Variants in PPP4R4 observed in about 807,000 individuals in gnomAD.
The protein encoded by PPP4R4 is serine/threonine-protein phosphatase 4 regulatory subunit 4.
Under a neutral mutation model 121.8 loss-of-function variants are expected in PPP4R4, and 70 were observed. The observed-to-expected ratio is 0.57, with a 90% CI of 0.47 to 0.70. PPP4R4 has a LOEUF of 0.70. Among genes scored for constraint, PPP4R4 ranks in the 30% least tolerant of loss-of-function variants. PPP4R4 has a pLI of 0.00. For missense variants in PPP4R4, 875 were observed against 1,033.6 expected (o/e 0.85, Z 2.10); for synonymous variants, 348 against 355.7 (o/e 0.98, Z 0.24).
At chr14:94,250,610 C>A (rs919485717) in intron 15 of PPP4R4, among the ~76,000 whole-genome samples, 15 of 151,674 alleles carry the variant, frequency 9.9e-5, no homozygotes, top group Non-Finnish European at 1.2e-4. Context: ...TTTTATGGTC[C>A]TATTTCAATA....
intron 3 of PPP4R4, among the ~76,000 whole-genome samples, chr14:94,211,878 G>A (rs192120049): frequency 6.6e-6 from 1 of 152,232 alleles, no homozygotes; most frequent in East Asian, 1.9e-4. Context: ...CCAGATTTCT[G>A]GCTTGACCAT....
chr14:94,217,339 C>T lies in PPP4R4; in HGVS notation c.294+8773C>T, dbSNP rs191381669. 3.5e-3 allele frequency among the ~76,000 whole-genome samples: 538 copies of T among 152,266 alleles called. 2 individuals carry two copies. Among genetic ancestry groups the T allele is most frequent in the Middle Eastern group, 0.017 (5 of 294 alleles). On this transcript the variant is annotated intron_variant, in intron 3 of 24. Coordinates refer to ENST00000304338, the MANE Select transcript of PPP4R4 (RefSeq NM_058237.2). Reference sequence around the variant, plus strand: ...TGTTGTGCTGTGATTGCCATAGCAACAAAAAGCCTGAAACCCAGCTCAACT... The same window carrying T: ...TGTTGTGCTGTGATTGCCATAGCAATAAAAAGCCTGAAACCCAGCTCAACT...
intron 19 of PPP4R4, among the ~76,000 whole-genome samples, chr14:94,260,429 A>G (rs1243725161): frequency 6.6e-6 from 1 of 152,056 alleles, no homozygotes; most frequent in Non-Finnish European, 1.5e-5. Flanking sequence ...CTGTCCCCCC[A>G]AAAAACAAAA....
chr14:94,255,357 G>A (rs1404821435), intron 16 of PPP4R4, among the ~76,000 whole-genome samples: 1 of 141,070 alleles, frequency 7.1e-6, no homozygotes, highest in Non-Finnish European at 1.5e-5. Context: ...CCAGCACTTT[G>A]GGAGGCCAAG....
chr14:94,275,279 G>A (rs979391348), intron 23 of PPP4R4, 95 bp from the exon 24 acceptor site: 2 of 1,363,288 alleles, frequency 1.5e-6, no homozygotes, highest in Non-Finnish European at 2.0e-6. Context: ...GATTTAAAAG[G>A]TGAAAAAGTT....
intron 3 of PPP4R4, among the ~76,000 whole-genome samples, chr14:94,222,954 A>G (rs1368273252): frequency 6.6e-6 from 1 of 150,512 alleles, no homozygotes; most frequent in Non-Finnish European, 1.5e-5. Flanking sequence ...TCTGTTTGTG[A>G]TTCATTGGTG....
At chr14:94,251,523 A>G (rs1444715407) in intron 15 of PPP4R4, among the ~76,000 whole-genome samples, 1 of 152,076 alleles carries the variant, frequency 6.6e-6, no homozygotes, top group Non-Finnish European at 1.5e-5. Context: ...TGCTTATGAA[A>G]TTGAATGAAA....
intron 2 of PPP4R4, among the ~76,000 whole-genome samples, chr14:94,206,788 T>C (rs1410108475): frequency 3.3e-5 from 5 of 152,020 alleles, no homozygotes; most frequent in African/African-American, 1.2e-4. Context: ...TCTTTAGCAG[T>C]GTAGTAAATT....
rs1894783001 is a variant in PPP4R4 at position 94,278,792 on chromosome 14, A to G, written c.*149A>G. The G allele has an allele frequency of 3.3e-6, 2 of 604,418 alleles. No individual in the cohort carries two copies. The highest frequency in any genetic ancestry group is 3.4e-5 in the Admixed American group (1 of 29,476). 37.4% of individuals were successfully genotyped at this position (604,418 alleles called of 1,614,324 possible). A position where few individuals can be genotyped will look rare whatever the true frequency, so the allele number is the denominator to read the frequency against. On this transcript the variant is annotated 3_prime_UTR_variant, in exon 25 of 25. Transcript: ENST00000304338. ...AATGAGCAGAAAGAGAGACATAATG[A>G]CAGCTGATGTTAAACTTTTCATATT...
chr14:94,194,993 T>G (rs1012734099), intron 2 of PPP4R4, among the ~76,000 whole-genome samples: 1 of 152,196 alleles, frequency 6.6e-6, no homozygotes, highest in Non-Finnish European at 1.5e-5. Flanking sequence ...TCTCTGCTAT[T>G]TTTTTTCCAT....
At chr14:94,248,154 C>G (rs1015287927) in intron 14 of PPP4R4, among the ~76,000 whole-genome samples, 1 of 152,110 alleles carries the variant, frequency 6.6e-6, no homozygotes, top group Non-Finnish European at 1.5e-5. Flanking sequence ...GATTCTATAC[C>G]TAGAAAACCC....
chr14:94,189,412 G>A (rs1258762794), intron 2 of PPP4R4, among the ~76,000 whole-genome samples: 3 of 152,118 alleles, frequency 2.0e-5, no homozygotes, highest in Non-Finnish European at 1.5e-5. Context: ...TGACTGATGA[G>A]TTTTTAAATA....
intron 23 of PPP4R4, among the ~76,000 whole-genome samples, chr14:94,275,172 A>G (rs1482218867): frequency 6.6e-6 from 1 of 152,166 alleles, no homozygotes; most frequent in South Asian, 2.1e-4. Context: ...AGACATGTTC[A>G]CATCTTGATT....
chr14:94,188,063 A>G (rs1889383344), intron 2 of PPP4R4, among the ~76,000 whole-genome samples: 1 of 152,150 alleles, frequency 6.6e-6, no homozygotes, highest in Non-Finnish European at 1.5e-5. Context: ...ACCATTAACT[A>G]TATATAATGT....
At chr14:94,228,219 C>T (rs139508159) in intron 3 of PPP4R4, among the ~76,000 whole-genome samples, 108 of 152,302 alleles carry the variant, frequency 7.1e-4, no homozygotes, top group Non-Finnish European at 1.0e-3. Context: ...TCTCCCACAC[C>T]GCCACATGAA....
At chr14:94,185,858 T>A (rs1233536164) in intron 2 of PPP4R4, among the ~76,000 whole-genome samples, 2 of 152,122 alleles carry the variant, frequency 1.3e-5, no homozygotes, top group Admixed American at 6.5e-5. Flanking sequence ...GTTTGATGAG[T>A]TTTGACAAAT....
At chr14:94,227,213 G>GT (rs1358918286) in intron 3 of PPP4R4, 1 of 1,218,258 alleles carries the variant, frequency 8.2e-7, no homozygotes, top group Non-Finnish European at 1.2e-6. Flanking sequence ...CAATAGTAAT[G>GT]TAAGAGGAAT....
intron 14 of PPP4R4, among the ~76,000 whole-genome samples, chr14:94,249,542 A>G (rs1161765237): frequency 6.6e-6 from 1 of 152,086 alleles, no homozygotes; most frequent in East Asian, 1.9e-4. Context: ...ATTTTTCTCT[A>G]ATATATGGTT....
At position 94,245,620 on chromosome 14, in the gene PPP4R4, A is replaced by G; in HGVS notation, c.1378A>G (p.Ile460Val). The G allele has an allele frequency of 6.3e-7, 1 of 1,598,796 alleles. No individual in the cohort carries two copies. Among genetic ancestry groups the G allele is most frequent in the South Asian group, 1.1e-5 (1 of 89,604 alleles). ...LDALIDHLPEILELMSTGGES... is the reference protein window; with the variant it reads ...LDALIDHLPEVLELMSTGGES... ...TGCTCTTATAGATCATCTTCCAGAAATCTTGGAACTTATGTCTACTGGTGG... is the reference window on the plus strand; with the variant it reads ...TGCTCTTATAGATCATCTTCCAGAAGTCTTGGAACTTATGTCTACTGGTGG... Residue 460 changes from isoleucine to valine, a missense_variant, in exon 13 of 25, where the codon ATC becomes GTC. By Grantham distance (29) the Ile-to-Val change is conservative. Transcript: ENST00000304338.
Sources: allele counts gnomAD v4.1 joint callset (sites outside exome capture counted in the v4.1 genomes callset), GRCh38; gene constraint gnomAD v4.1.1; transcripts MANE v1.5; gene names NCBI Gene and HGNC (gene_info 2026-07-23, HGNC 2026-07-21).